RUNDC3B: variants seen among roughly 807,000 people sequenced by gnomAD.
RUNDC3B encodes RUN domain containing 3B.
RUNDC3B carries 33 observed loss-of-function variants against 58.4 expected under a neutral mutation model. That is an observed-to-expected ratio of 0.56 (90% CI 0.43 to 0.75). RUNDC3B has a LOEUF of 0.75. Among genes scored for constraint, RUNDC3B ranks in the 30% least tolerant of loss-of-function variants. The pLI is 0.00. For missense variants in RUNDC3B, 501 were observed against 535.7 expected, an observed-to-expected ratio of 0.94 and a Z score of 0.64; for synonymous variants, 193 against 195.2, an observed-to-expected ratio of 0.99 and a Z score of 0.10.
At chr7:87,707,188 TA>T (rs759525806) in intron 3 of RUNDC3B, among the ~76,000 whole-genome samples, 5 of 151,812 alleles carry the variant, frequency 3.3e-5, no homozygotes, top group Non-Finnish European at 7.4e-5. Flanking sequence ...TAGTATACAG[TA>T]AAAAATCATC....
At chr7:87,679,697 C>T (rs1298370786) in intron 2 of RUNDC3B, among the ~76,000 whole-genome samples, 2 of 150,330 alleles carry the variant, frequency 1.3e-5, no homozygotes, top group African/African-American at 2.5e-5. Context: ...GCCACCCCAA[C>T]ATTTATAATT....
intron 8 of RUNDC3B, among the ~76,000 whole-genome samples, chr7:87,803,918 T>A (rs1836302030): frequency 6.6e-6 from 1 of 152,150 alleles, no homozygotes; most frequent in Non-Finnish European, 1.5e-5. Flanking sequence ...AGTGGTCATG[T>A]GAATTATATG....
At chr7:87,676,445 A>G (rs1826364840) in intron 2 of RUNDC3B, among the ~76,000 whole-genome samples, 1 of 152,146 alleles carries the variant, frequency 6.6e-6, no homozygotes, top group Admixed American at 6.5e-5. Context: ...TCACACCTAT[A>G]ATTCCATCAC....
rs1183349561 is a variant in RUNDC3B at position 87,725,467 on chromosome 7, C to T, written c.459-14324C>T. On this transcript the variant is annotated intron_variant, in intron 4 of 10. Transcript: ENST00000394654. Reference sequence around the variant, plus strand: ...AGTATTCCATGGTGTATGTGTGCCACATTTTCTTAATCCAGTCTATCATTG... The same window carrying T: ...AGTATTCCATGGTGTATGTGTGCCATATTTTCTTAATCCAGTCTATCATTG... 2.6e-5 allele frequency among the ~76,000 whole-genome samples: 4 copies of T among 152,180 alleles called. No homozygotes were observed. In the East Asian group the frequency reaches 7.7e-4, roughly 29 times the overall value.
chr7:87,784,586 G>C (rs944978240), intron 8 of RUNDC3B, among the ~76,000 whole-genome samples: 3 of 152,028 alleles, frequency 2.0e-5, no homozygotes, highest in Non-Finnish European at 4.4e-5. Context: ...TGTAATTCAG[G>C]CTGTGATGCA....
At chr7:87,821,592 A>C (rs2130962542) in intron 10 of RUNDC3B, among the ~76,000 whole-genome samples, 1 of 152,340 alleles carries the variant, frequency 6.6e-6, no homozygotes, top group Middle Eastern at 3.4e-3. Context: ...AGTCAATCCT[A>C]AGCCAAAAGA....
intron 4 of RUNDC3B, among the ~76,000 whole-genome samples, chr7:87,723,899 T>C (rs1407287538): frequency 1.3e-5 from 2 of 152,164 alleles, no homozygotes; most frequent in African/African-American, 4.8e-5. Context: ...TGCCAACATT[T>C]AATCGTACAC....
intron 8 of RUNDC3B, among the ~76,000 whole-genome samples, chr7:87,792,045 C>A (rs1487787982): frequency 6.6e-6 from 1 of 151,814 alleles, no homozygotes; most frequent in Non-Finnish European, 1.5e-5. Context: ...CAAATGGAAA[C>A]TGAAAAAAGA....
rs1174941953 is a variant in RUNDC3B at position 87,739,782 on chromosome 7, A to AT, written c.459-3dup. On this transcript the variant is annotated splice_polypyrimidine_tract_variant and intron_variant, in intron 4 of 10. Coordinates refer to ENST00000394654, the MANE Select transcript of RUNDC3B (RefSeq NM_001134405.2). ...AATATTTTATATATTCACCCATTTC[A>AT]TTTTTTAGGAGATTTTATGAAGATG... 3 of 1,435,232 alleles carry AT rather than the reference A, an allele frequency of 2.1e-6. No individual in the cohort carries two copies. The highest frequency in any genetic ancestry group is 1.2e-5 in the South Asian group (1 of 81,892). 88.9% of individuals were successfully genotyped at this position (1,435,232 alleles called of 1,614,324 possible).
At chr7:87,716,608 C>T (rs978630929) in intron 4 of RUNDC3B, among the ~76,000 whole-genome samples, 1 of 152,148 alleles carries the variant, frequency 6.6e-6, no homozygotes, top group Admixed American at 6.6e-5. Flanking sequence ...CTTTGCCCTC[C>T]ATCAGATAGG....
chr7:87,688,382 A>G (rs1372771975), intron 2 of RUNDC3B, among the ~76,000 whole-genome samples: 1 of 151,980 alleles, frequency 6.6e-6, no homozygotes, highest in Non-Finnish European at 1.5e-5. Flanking sequence ...TGTAATATAT[A>G]CATATATATA....
chr7:87,679,277 T>C (rs1474926917), intron 2 of RUNDC3B, among the ~76,000 whole-genome samples: 1 of 149,236 alleles, frequency 6.7e-6, no homozygotes, highest in Admixed American at 6.7e-5. Flanking sequence ...GTATTTTTAG[T>C]AGAGACGGAG....
chr7:87,641,047 C>G (rs1342930527), intron 1 of RUNDC3B, among the ~76,000 whole-genome samples: 1 of 152,040 alleles, frequency 6.6e-6, no homozygotes, highest in Non-Finnish European at 1.5e-5. Context: ...CTCTCTTACT[C>G]CTTTCTTTGT....
chr7:87,652,847 T>A (rs1485374539), intron 2 of RUNDC3B, among the ~76,000 whole-genome samples: 1 of 151,954 alleles, frequency 6.6e-6, no homozygotes, highest in Non-Finnish European at 1.5e-5. Context: ...TTTTCCAGTG[T>A]TTTCCTTTAC....
intron 4 of RUNDC3B, among the ~76,000 whole-genome samples, chr7:87,737,588 T>G (rs1832062965): frequency 1.3e-5 from 2 of 152,130 alleles, no homozygotes. Flanking sequence ...CTGAATTACT[T>G]TAAAATATAT....
chr7:87,825,642 T>G (rs377719106), intron 10 of RUNDC3B, among the ~76,000 whole-genome samples: 15 of 152,100 alleles, frequency 9.9e-5, no homozygotes, highest in Non-Finnish European at 1.5e-5. Flanking sequence ...TCTTGCATCA[T>G]CCACCCAGAA....
At chr7:87,637,937 G>A (rs1821965587) in intron 1 of RUNDC3B, among the ~76,000 whole-genome samples, 1 of 151,664 alleles carries the variant, frequency 6.6e-6, no homozygotes, top group African/African-American at 2.4e-5. Flanking sequence ...ATGCAGTGTT[G>A]CAGAAAACGT....
intron 2 of RUNDC3B, among the ~76,000 whole-genome samples, chr7:87,655,849 G>A (rs894720604): frequency 4.6e-5 from 7 of 152,076 alleles, no homozygotes; most frequent in East Asian, 1.9e-4. Context: ...GCTCATAAGG[G>A]CAGAGCCCTC....
intron 2 of RUNDC3B, among the ~76,000 whole-genome samples, chr7:87,665,002 A>G (rs1469048117): frequency 6.6e-6 from 1 of 152,172 alleles, no homozygotes; most frequent in Non-Finnish European, 1.5e-5. Context: ...CATCATATTC[A>G]GTGGTAAAAA....
Sources: gnomAD v4.1 joint callset for allele counts (sites outside exome capture counted in the v4.1 genomes callset) on GRCh38, gnomAD v4.1.1 for gene constraint, MANE v1.5 for transcripts, NCBI Gene and HGNC (gene_info 2026-07-23, HGNC 2026-07-21) for gene names.